Variants in TLE4 observed in about 807,000 individuals in gnomAD.
TLE4 encodes TLE family member 4, transcriptional corepressor.
TLE4 carries 8 observed loss-of-function variants against 92.8 expected under a neutral mutation model. That is an observed-to-expected ratio of 0.09 (90% CI 0.05 to 0.16). The LOEUF (loss-of-function observed/expected upper bound fraction) is 0.16. TLE4 is among the 10% of genes least tolerant of loss of function. The pLI is 1.00. For missense variants in TLE4, 675 were observed against 997.6 expected, an observed-to-expected ratio of 0.68 and a Z score of 4.36; for synonymous variants, 371 against 374.1, an observed-to-expected ratio of 0.99 and a Z score of 0.10.
At chr9:79,622,863 G>T (rs931113933) in intron 5 of TLE4, among the ~76,000 whole-genome samples, 1 of 152,124 alleles carries the variant, frequency 6.6e-6, no homozygotes, top group Non-Finnish European at 1.5e-5. Context: ...TGTGCTCTGT[G>T]TATGAGTTCA....
intron 8 of TLE4, among the ~76,000 whole-genome samples, chr9:79,686,989 C>G (rs980437432): frequency 6.6e-6 from 1 of 152,172 alleles, no homozygotes; most frequent in African/African-American, 2.4e-5. Context: ...TTGGTATCAT[C>G]TGGTCAGGTG....
At chr9:79,585,120 T>C (rs916781669) in intron 4 of TLE4, among the ~76,000 whole-genome samples, 1 of 152,228 alleles carries the variant, frequency 6.6e-6, no homozygotes, top group Admixed American at 6.5e-5. Context: ...TGAAAATGTC[T>C]TAATTTTTTT....
rs181540929 is a variant in TLE4 at position 79,670,201 on chromosome 9, A to G, written c.609+16126A>G. Among the ~76,000 whole-genome samples the G allele has an allele frequency of 1.6e-3, 248 of 152,190 alleles. 1 individual carries two copies. Among genetic ancestry groups the G allele is most frequent in the African/African-American group, 5.7e-3 (236 of 41,552 alleles). ...TGAGTAACAGTTAAATAAGAAAAAA[A>G]AAAGAAAGAAAAAAAAACTTGAGAA... On this transcript the variant is annotated intron_variant, in intron 8 of 19. Coordinates refer to ENST00000376552, the MANE Select transcript of TLE4 (RefSeq NM_007005.6).
chr9:79,687,716 A>G (rs933069944), intron 8 of TLE4, among the ~76,000 whole-genome samples: 3 of 152,036 alleles, frequency 2.0e-5, no homozygotes. Flanking sequence ...TCTTTTCACA[A>G]TACACAAGTG....
rs868485569 is a variant in TLE4 at position 79,590,006 on chromosome 9, C to T, written c.252+13829C>T. Among the ~76,000 whole-genome samples, 14 of 152,236 alleles carry T rather than the reference C, an allele frequency of 9.2e-5. No individual in the cohort carries two copies. In the East Asian group the frequency reaches 2.3e-3, roughly 25 times the overall value. ...TCGTTTTTATTTTTGAATGTGTGGG[C>T]GCTGATCAGTGAACCTGTTTTACTT... is the stretch of plus-strand genomic sequence containing the variant. On this transcript the variant is annotated intron_variant, in intron 4 of 19. Transcript: ENST00000376552.
chr9:79,583,476 G>A (rs17082562), intron 4 of TLE4, among the ~76,000 whole-genome samples: 4,916 of 152,198 alleles, frequency 0.032, 134 homozygotes, highest in African/African-American at 0.073. Flanking sequence ...CTCCCGGTGC[G>A]AGACAATACT....
intron 6 of TLE4, among the ~76,000 whole-genome samples, chr9:79,643,458 C>A (rs1249624813): frequency 6.6e-6 from 1 of 152,160 alleles, no homozygotes; most frequent in Non-Finnish European, 1.5e-5. Context: ...CTTTTTTATT[C>A]AATCCAGGAT....
At chr9:79,601,428 C>T in intron 4 of TLE4, 1 of 456,412 alleles carries the variant, frequency 2.2e-6, no homozygotes, top group South Asian at 1.5e-5. Context: ...CTGTTTTTCA[C>T]AAATTGAAGG....
At chr9:79,704,969 T>G in intron 9 of TLE4, 67 bp downstream of exon 9, 1 of 1,598,534 alleles carries the variant, frequency 6.3e-7, no homozygotes, top group Non-Finnish European at 8.5e-7. Context: ...ATTTTACCCT[T>G]TGACTATTAC....
At chr9:79,602,931 A>T (rs2045986846) in intron 4 of TLE4, among the ~76,000 whole-genome samples, 1 of 152,248 alleles carries the variant, frequency 6.6e-6, no homozygotes, top group South Asian at 2.1e-4. Flanking sequence ...ACCAACATTA[A>T]TAAGAATTTG....
intron 8 of TLE4, among the ~76,000 whole-genome samples, chr9:79,699,107 CAG>C (rs2069060911): frequency 6.6e-6 from 1 of 152,080 alleles, no homozygotes; most frequent in Non-Finnish European, 1.5e-5. Context: ...TCCAAAAAAA[CAG>C]AAATACAGTG....
chr9:79,717,544 A>G (rs889999670), intron 14 of TLE4, among the ~76,000 whole-genome samples: 2 of 152,200 alleles, frequency 1.3e-5, no homozygotes, highest in Non-Finnish European at 2.9e-5. Flanking sequence ...GCCACAATGC[A>G]TGCGTCATTT....
intron 4 of TLE4, among the ~76,000 whole-genome samples, chr9:79,605,033 A>G (rs951949146): frequency 1.3e-5 from 2 of 151,908 alleles, no homozygotes; most frequent in African/African-American, 4.8e-5. Flanking sequence ...GAAGAAGAGG[A>G]GGGGAGGGAG....
chr9:79,614,697 G>T (rs1260576756), intron 5 of TLE4, among the ~76,000 whole-genome samples: 2 of 152,180 alleles, frequency 1.3e-5, no homozygotes, highest in Middle Eastern at 3.2e-3. Flanking sequence ...TGCCAAGCTT[G>T]TGCAACCCCA....
intron 6 of TLE4, among the ~76,000 whole-genome samples, chr9:79,634,306 T>G (rs1226588074): frequency 2.0e-5 from 3 of 152,206 alleles, no homozygotes; most frequent in Non-Finnish European, 4.4e-5. Flanking sequence ...AACTTTTAAT[T>G]AACGCATTTT....
At chr9:79,603,732 T>C (rs1259931165) in intron 4 of TLE4, among the ~76,000 whole-genome samples, 1 of 152,174 alleles carries the variant, frequency 6.6e-6, no homozygotes, top group Non-Finnish European at 1.5e-5. Context: ...GTAGCGTGCC[T>C]GCAAAAGAAT....
chr9:79,708,609 C>T lies in TLE4; in HGVS notation c.1086C>T (p.Thr362=). Residue 362 remains threonine (T), a synonymous_variant, in exon 13 of 20, where the codon ACC becomes ACT. Transcript: ENST00000376552. The part of the protein sequence containing the change: ...GVDPLASSLR[T]PMAVPCPYPT... ...GGTTTGCAGCCTCAAGCCTAAGGAC[C>T]CCAATGGCAGTACCTTGTCCATATC... The T allele has an allele frequency of 6.2e-7, 1 of 1,613,622 alleles. No individual in the cohort carries two copies.
chr9:79,705,867 T>C (rs544416802), intron 9 of TLE4, 22 bp from the exon 10 acceptor site: 3 of 1,612,890 alleles, frequency 1.9e-6, no homozygotes, highest in South Asian at 2.2e-5. Context: ...GAGAAGATAA[T>C]GCTTCTCACT....
At chr9:79,618,368 G>A (rs537255576) in intron 5 of TLE4, among the ~76,000 whole-genome samples, 2 of 152,170 alleles carry the variant, frequency 1.3e-5, no homozygotes, top group South Asian at 4.2e-4. Context: ...CTTACCATTC[G>A]AATGTTGGAG....
Sources: allele counts gnomAD v4.1 joint callset (sites outside exome capture counted in the v4.1 genomes callset), GRCh38; gene constraint gnomAD v4.1.1; transcripts MANE v1.5; gene names NCBI Gene and HGNC (gene_info 2026-07-23, HGNC 2026-07-21).